REC114: variants seen among roughly 807,000 people sequenced by gnomAD.
REC114 encodes the protein meiotic recombination protein REC114.
A neutral mutation model predicts 31.3 loss-of-function variants in REC114; 27 were observed. That is an observed-to-expected ratio of 0.86 (90% CI 0.64 to 1.19). REC114 has a LOEUF of 1.19. REC114 is among the 50% of genes most tolerant of loss of function. The probability of loss-of-function intolerance (pLI) is 0.00; values close to 1 mark genes in which losing one functional copy is unlikely to be tolerated. For synonymous variants in REC114, 134 were observed against 127.7 expected (o/e 1.05, Z -0.33); for missense variants, 344 against 326.9 (o/e 1.05, Z -0.40).
intron 2 of REC114, among the ~76,000 whole-genome samples, chr15:73,477,116 C>CTG (rs1199742835): frequency 1.7e-4 from 26 of 152,146 alleles, no homozygotes; most frequent in Non-Finnish European, 1.5e-5. Context: ...GTGACTAATA[C>CTG]TGTTGAGCAT....
At chr15:73,500,541 G>A (rs1003164795) in intron 2 of REC114, among the ~76,000 whole-genome samples, 5 of 152,246 alleles carry the variant, frequency 3.3e-5, no homozygotes, top group Middle Eastern at 3.4e-3. Context: ...GAGAGATCAC[G>A]CATGGAGGAG....
At position 73,529,028 on chromosome 15, in the gene REC114, A is replaced by G. The variant is rs1417389863; in HGVS notation, c.250-11457A>G. ...TCATCAGGAAAATGTGAACAGCAAC[A>G]AAGATACTTGATGATATTACGGAAT... is the stretch of plus-strand genomic sequence containing the variant. On this transcript the variant is annotated intron_variant, in intron 2 of 5. Transcript: ENST00000331090. 2.6e-5 allele frequency among the ~76,000 whole-genome samples: 4 copies of G among 152,332 alleles called. No individual in the cohort carries two copies. The East Asian group carries it at 5.8e-4, about 22-fold the overall frequency.
At chr15:73,496,737 A>G (rs1450238867) in intron 2 of REC114, among the ~76,000 whole-genome samples, 1 of 152,138 alleles carries the variant, frequency 6.6e-6, no homozygotes, top group African/African-American at 2.4e-5. Context: ...AACATTTAGC[A>G]TAGAATGGTA....
At chr15:73,502,411 T>C (rs1893615655) in intron 2 of REC114, among the ~76,000 whole-genome samples, 1 of 152,162 alleles carries the variant, frequency 6.6e-6, no homozygotes, top group African/African-American at 2.4e-5. Flanking sequence ...ACGTAACTAA[T>C]AGCCTACCGT....
chr15:73,550,881 A>G lies in REC114; in HGVS notation c.334-57A>G. On this transcript the variant is annotated intron_variant, in intron 3 of 5. Transcript: ENST00000331090. Reference sequence around the variant, plus strand: ...AAGGAAACACTCAGTGGAAGACCCCAAAGTAAATAGTTATATGATGAGGGT... The same window carrying G: ...AAGGAAACACTCAGTGGAAGACCCCGAAGTAAATAGTTATATGATGAGGGT... 3.2e-6 allele frequency: 5 copies of G among 1,547,524 alleles called. No individual in the cohort carries two copies. In the Middle Eastern group the frequency reaches 5.1e-4, roughly 159 times the overall value.
At position 73,551,144 on chromosome 15, in the gene REC114, G is replaced by T. The variant is rs751928814; in HGVS notation, c.540G>T (p.Gln180His). ...GKDSAKSVPR[Q>H]PGSHQHSEQQ... ...ATTCTGCAAAGAGTGTCCCACGGCA[G>T]CCTGGAGTAAGTAGGCTGATGTGTT... The change falls in exon 4 of 6, where the codon CAG becomes CAT. Residue 180 changes from glutamine (Q) to histidine (H), a missense_variant. Gln to His is a conservative substitution (Grantham distance 24, BLOSUM62 0). Coordinates refer to ENST00000331090, the MANE Select transcript of REC114 (RefSeq NM_001042367.2). The T allele has an allele frequency of 1.2e-6, 2 of 1,602,554 alleles. No individual in the cohort carries two copies. The highest frequency in any genetic ancestry group is 1.1e-5 in the South Asian group (1 of 89,502).
intron 1 of REC114, among the ~76,000 whole-genome samples, chr15:73,460,829 T>A (rs1892979704): frequency 6.6e-6 from 1 of 152,190 alleles, no homozygotes; most frequent in South Asian, 2.1e-4. Flanking sequence ...TATTCTTCTG[T>A]TACATGGAAA....
chr15:73,483,254 C>A, intron 2 of REC114: 1 of 153,384 alleles, frequency 6.5e-6, no homozygotes, highest in South Asian at 1.8e-4. Flanking sequence ...TTCCTCTGGT[C>A]ATGTTTTGAG....
intron 2 of REC114, among the ~76,000 whole-genome samples, chr15:73,534,306 G>C (rs1894126466): frequency 6.6e-6 from 1 of 152,052 alleles, no homozygotes. Context: ...TAAAAAAAGA[G>C]AGAAGAATCA....
chr15:73,529,448 T>A (rs1289819873), intron 2 of REC114, among the ~76,000 whole-genome samples: 2 of 152,148 alleles, frequency 1.3e-5, no homozygotes, highest in Admixed American at 1.3e-4. Flanking sequence ...GGTCCTTGGC[T>A]TTTTAGAGAT....
At chr15:73,537,844 C>G (rs1894179143) in intron 2 of REC114, among the ~76,000 whole-genome samples, 1 of 152,174 alleles carries the variant, frequency 6.6e-6, no homozygotes, top group South Asian at 2.1e-4. Context: ...CGCCTTCACT[C>G]CCTGCAGATA....
At chr15:73,544,019 C>T (rs372358154) in intron 3 of REC114, among the ~76,000 whole-genome samples, 1 of 140,132 alleles carries the variant, frequency 7.1e-6, no homozygotes, top group Non-Finnish European at 1.5e-5. Flanking sequence ...GATCTCTGCT[C>T]ACTGCAGCCT....
rs187366094 is a variant in REC114 at position 73,558,039 on chromosome 15, A to G, written c.636+1648A>G. 4.5e-3 allele frequency among the ~76,000 whole-genome samples: 692 copies of G among 152,326 alleles called. 7 individuals are homozygous for G. The highest frequency in any genetic ancestry group is 7.6e-3 in the Non-Finnish European group (516 of 68,036). On this transcript the variant is annotated intron_variant, in intron 5 of 5. Transcript: ENST00000331090. The stretch of plus-strand genomic sequence containing the variant: ...TAACCACAGATGGGATAGAAATGCA[A>G]TTAATACAAGGGATGTAGGCTGCAC...
rs116608665 is a variant in REC114 at position 73,517,660 on chromosome 15, G to A, written c.250-22825G>A. On this transcript the variant is annotated intron_variant, in intron 2 of 5. Transcript: ENST00000331090. ...GGCATGTGTGATGACCACCGCCCTG[G>A]TGTCAGACAGTTTGAATTGGAGGTG... 5.6e-3 allele frequency among the ~76,000 whole-genome samples: 852 copies of A among 152,300 alleles called. 6 individuals are homozygous for A. The highest frequency in any genetic ancestry group is 0.02 in the African/African-American group (813 of 41,558).
At chr15:73,488,445 T>C (rs1035498182) in intron 2 of REC114, among the ~76,000 whole-genome samples, 1 of 152,188 alleles carries the variant, frequency 6.6e-6, no homozygotes, top group Non-Finnish European at 1.5e-5. Flanking sequence ...TTAATTAATA[T>C]CTCTCTTCTT....
intron 2 of REC114, among the ~76,000 whole-genome samples, chr15:73,501,201 T>G (rs1270817306): frequency 1.3e-5 from 2 of 152,206 alleles, no homozygotes; most frequent in Non-Finnish European, 2.9e-5. Flanking sequence ...TTGCAGCACA[T>G]CTATGAAGGT....
intron 2 of REC114, among the ~76,000 whole-genome samples, chr15:73,539,269 C>T (rs1186941364): frequency 7.0e-6 from 1 of 142,934 alleles, no homozygotes; most frequent in Non-Finnish European, 1.5e-5. Context: ...TTAGAGGTAG[C>T]ATTTCAGAAC....
intron 5 of REC114, among the ~76,000 whole-genome samples, chr15:73,558,757 CT>C (rs1894516913): frequency 6.6e-6 from 1 of 152,206 alleles, no homozygotes; most frequent in Admixed American, 6.5e-5. Context: ...TTGGCAGTTT[CT>C]TACAAAGTTA....
intron 2 of REC114, among the ~76,000 whole-genome samples, chr15:73,536,908 G>A (rs994113938): frequency 1.3e-5 from 2 of 152,168 alleles, no homozygotes; most frequent in African/African-American, 4.8e-5. Flanking sequence ...AGGGGTACAT[G>A]TGCAGGTTTG....
Sources: allele counts gnomAD v4.1 joint callset (sites outside exome capture counted in the v4.1 genomes callset), GRCh38; gene constraint gnomAD v4.1.1; transcripts MANE v1.5; gene names NCBI Gene and HGNC (gene_info 2026-07-23, HGNC 2026-07-21).